The following TOX2 variants were observed in gnomAD, a reference collection of about 807,000 sequenced individuals.
The protein encoded by TOX2 is TOX high mobility group box family member 2.
Under a neutral mutation model 47.4 loss-of-function variants are expected in TOX2, and 15 were observed. The observed-to-expected ratio is 0.32, with a 90% CI of 0.21 to 0.49. The LOEUF is 0.49. Ranked by LOEUF, TOX2 falls within the 20% of genes least tolerant of loss-of-function variation. TOX2 has a pLI of 0.99. For synonymous variants in TOX2, 290 were observed against 296.6 expected, an observed-to-expected ratio of 0.98 and a Z score of 0.23; for missense variants, 622 against 673.1, an observed-to-expected ratio of 0.92 and a Z score of 0.84.
At chr20:44,068,173 TC>T (rs927136440) in intron 8 of TOX2, among the ~76,000 whole-genome samples, 3 of 152,018 alleles carry the variant, frequency 2.0e-5, no homozygotes, top group African/African-American at 7.3e-5. Context: ...AGTTTCCTTC[TC>T]AAAAGTCAGA....
intron 1 of TOX2, among the ~76,000 whole-genome samples, chr20:43,929,519 G>C (rs576415196): frequency 4.9e-4 from 75 of 152,026 alleles, no homozygotes; most frequent in Non-Finnish European, 9.0e-4. Flanking sequence ...TTTTGCGCTT[G>C]AGGGGCTTTG....
At chr20:44,038,969 G>T in intron 3 of TOX2, 5 of 1,186,770 alleles carry the variant, frequency 4.2e-6, no homozygotes, top group Non-Finnish European at 5.3e-6. Context: ...CCTTCCTGGG[G>T]CGGGTGCAGA....
chr20:43,991,037 T>C (rs1294939807), intron 2 of TOX2, among the ~76,000 whole-genome samples: 1 of 152,232 alleles, frequency 6.6e-6, no homozygotes, highest in Admixed American at 6.5e-5. Flanking sequence ...GGTACCTGCA[T>C]ACAAGGAGCA....
intron 1 of TOX2, among the ~76,000 whole-genome samples, chr20:43,940,181 A>T (rs2069383669): frequency 6.6e-6 from 1 of 151,402 alleles, no homozygotes; most frequent in African/African-American, 2.4e-5. Flanking sequence ...CCTTGAGGAC[A>T]GTGGGGCCGT....
intron 3 of TOX2, among the ~76,000 whole-genome samples, chr20:44,026,154 T>C (rs2145669462): frequency 6.7e-6 from 1 of 150,090 alleles, no homozygotes; most frequent in Non-Finnish European, 1.5e-5. Flanking sequence ...CGCGTGATTA[T>C]AGCAGCACAA....
At chr20:43,934,798 T>TTGTGTGTGTGTGTG (rs148972789) in intron 1 of TOX2, among the ~76,000 whole-genome samples, 159 of 147,848 alleles carry the variant, frequency 1.1e-3, no homozygotes, top group Middle Eastern at 6.9e-3. Context: ...GTGTGTGTGT[T>TTGTGTGTGTGTGTG]TGTGTGTGTG....
chr20:43,915,437 G>A lies in TOX2; in HGVS notation c.99+447G>A, dbSNP rs1319614241. On this transcript the variant is annotated intron_variant, in intron 1 of 8. Transcript: ENST00000341197. The surrounding 1 kb of genome is among the most constrained non-coding windows in gnomAD (Gnocchi z 7.1). ...TCCGATGCCCCACACACCGTGACAT[G>A]CCCCCACCCGCTGTCACACCCAGGC... Among the ~76,000 whole-genome samples the A allele has an allele frequency of 6.6e-6, 1 of 152,132 alleles. No homozygotes were observed. The highest frequency in any genetic ancestry group is 1.9e-4 in the East Asian group (1 of 5,188).
chr20:44,054,631 C>A, intron 5 of TOX2, 105 bp downstream of exon 5: 1 of 1,241,302 alleles, frequency 8.1e-7, no homozygotes, highest in Non-Finnish European at 1.1e-6. Context: ...GAACTAGAGA[C>A]TCTTACAGAG....
chr20:43,980,397 G>A (rs1488711234), intron 2 of TOX2, among the ~76,000 whole-genome samples: 1 of 152,176 alleles, frequency 6.6e-6, no homozygotes, highest in Admixed American at 6.5e-5. Flanking sequence ...GCAGAGGGGG[G>A]ACATGGGGAT....
Position 43,975,108 on chromosome 20 carries a change from A to AGTATTTTT in TOX2, c.165+1679_165+1686dup, listed in dbSNP as rs1006012906. 1.4e-4 allele frequency among the ~76,000 whole-genome samples: 22 copies of AGTATTTTT among 152,360 alleles called. No homozygotes were observed. In the South Asian group the frequency reaches 1.5e-3, roughly 10 times the overall value. On this transcript the variant is annotated intron_variant, in intron 2 of 8. Coordinates refer to ENST00000341197, the MANE Select transcript of TOX2 (RefSeq NM_001098797.2). ...CTGAGCCTTTTCACAATGTTTAAAT[A>AGTATTTTT]GTATTTTTGTTAACATATTGAGCCC...
At chr20:43,951,707 G>GGTTTT (rs745489872) in intron 1 of TOX2, among the ~76,000 whole-genome samples, 19 of 55,090 alleles carry the variant, frequency 3.4e-4, no homozygotes, top group East Asian at 2.1e-3. Context: ...AACTTATTAT[G>GGTTTT]TTTTTTTTTT....
chr20:44,038,925 C>A, intron 3 of TOX2: 1 of 1,182,332 alleles, frequency 8.5e-7, no homozygotes, highest in Non-Finnish European at 1.1e-6. Context: ...ATTACATTCA[C>A]AGCCGCCTCG....
intron 5 of TOX2, among the ~76,000 whole-genome samples, chr20:44,060,659 T>TGTTGGGTC (rs2071700413): frequency 6.6e-6 from 1 of 152,028 alleles, no homozygotes; most frequent in African/African-American, 2.4e-5. Flanking sequence ...CCTGAATGAT[T>TGTTGGGTC]GTTGGGTCAA....
intron 2 of TOX2, among the ~76,000 whole-genome samples, chr20:44,004,298 C>T (rs897294165): frequency 6.6e-6 from 1 of 152,156 alleles, no homozygotes; most frequent in African/African-American, 2.4e-5. Context: ...GTAAATGTGG[C>T]ACTTAGATGA....
chr20:44,013,501 C>G (rs1157924712), intron 3 of TOX2, among the ~76,000 whole-genome samples: 1 of 152,230 alleles, frequency 6.6e-6, no homozygotes, highest in Non-Finnish European at 1.5e-5. Flanking sequence ...CAGTAGGGAC[C>G]CCCTAGTCCA....
intron 8 of TOX2, among the ~76,000 whole-genome samples, chr20:44,068,005 G>A (rs368002248): frequency 6.6e-6 from 1 of 152,058 alleles, no homozygotes; most frequent in African/African-American, 2.4e-5. Flanking sequence ...ACCCACCAGC[G>A]CCCTTGGACA....
intron 3 of TOX2, among the ~76,000 whole-genome samples, chr20:44,008,050 CAAGA>C (rs2070717080): frequency 6.6e-6 from 1 of 152,034 alleles, no homozygotes; most frequent in Non-Finnish European, 1.5e-5. Context: ...CAGACAAAGG[CAAGA>C]AAGAACCTTT....
At chr20:43,994,183 A>G (rs951125351) in intron 2 of TOX2, among the ~76,000 whole-genome samples, 42 of 151,630 alleles carry the variant, frequency 2.8e-4, no homozygotes, top group Non-Finnish European at 1.5e-4. Flanking sequence ...AAACAAAAAC[A>G]GTTTGGCACG....
intron 1 of TOX2, among the ~76,000 whole-genome samples, chr20:43,926,783 A>C (rs918799170): frequency 1.3e-5 from 2 of 152,260 alleles, no homozygotes; most frequent in African/African-American, 4.8e-5. Flanking sequence ...CACAGGGGAC[A>C]CTTGGCACCA....
Sources: allele counts gnomAD v4.1 joint callset (sites outside exome capture counted in the v4.1 genomes callset), GRCh38; gene constraint gnomAD v4.1.1; non-coding constraint Gnocchi (gnomAD v3.1); transcripts MANE v1.5; gene names NCBI Gene and HGNC (gene_info 2026-07-23, HGNC 2026-07-21).